The following ALDH1A1 variants were observed in gnomAD, a reference collection of about 807,000 sequenced individuals.
ALDH1A1 encodes the protein aldehyde dehydrogenase 1 family member A1, also known as aldehyde dehydrogenase 1A1.
ALDH1A1 carries 19 observed loss-of-function variants against 62.1 expected under a neutral mutation model. The observed-to-expected ratio is 0.31, with a 90% CI of 0.21 to 0.45. The LOEUF (loss-of-function observed/expected upper bound fraction) is 0.45. ALDH1A1 is among the 20% of genes least tolerant of loss of function. The pLI is 1.00. For synonymous variants in ALDH1A1, 231 were observed against 215.9 expected (o/e 1.07, Z -0.61); for missense variants, 521 against 607.1 (o/e 0.86, Z 1.49).
intron 12 of ALDH1A1, among the ~76,000 whole-genome samples, chr9:72,901,578 T>C (rs1270553498): frequency 6.6e-6 from 1 of 151,976 alleles, no homozygotes; most frequent in Non-Finnish European, 1.5e-5. Flanking sequence ...TTTTAAAAAC[T>C]CGAACTGCAG....
chr9:72,944,050 A>T, intron 1 of ALDH1A1, among the ~76,000 whole-genome samples: 1 of 152,110 alleles, frequency 6.6e-6, no homozygotes, highest in African/African-American at 2.4e-5. Context: ...CATAAGTCAC[A>T]GATAAGGCCT....
At chr9:72,940,631 C>T (rs761785196) in intron 1 of ALDH1A1, among the ~76,000 whole-genome samples, 5 of 152,068 alleles carry the variant, frequency 3.3e-5, no homozygotes, top group East Asian at 1.9e-4. Context: ...TCCTCATTTT[C>T]GGCTACTGGT....
chr9:72,940,082 A>G (rs1830398307), intron 2 of ALDH1A1, 66 bp downstream of exon 2: 2 of 1,197,368 alleles, frequency 1.7e-6, no homozygotes, highest in African/African-American at 1.5e-5. Context: ...AATGGGGTTC[A>G]GGAGCTCAGA....
intron 7 of ALDH1A1, among the ~76,000 whole-genome samples, chr9:72,920,967 G>A (rs960090507): frequency 6.6e-6 from 1 of 152,218 alleles, no homozygotes; most frequent in African/African-American, 2.4e-5. Context: ...GAATCTAATG[G>A]GATATTGCGG....
At chr9:72,951,797 C>CAAT (rs1327049946) in intron 1 of ALDH1A1, among the ~76,000 whole-genome samples, 3 of 151,856 alleles carry the variant, frequency 2.0e-5, no homozygotes, top group African/African-American at 7.3e-5. Flanking sequence ...CTCGTGATAA[C>CAAT]AATACCTTAA....
chr9:72,940,130 T>C lies in ALDH1A1; in HGVS notation c.171+18A>G, dbSNP rs772335660. ...CAAGAAACCTGGCATAAAATGAAAC[T>C]AGTGTTCAGAAACTCACCTTATCTC... On this transcript the variant is annotated intron_variant, in intron 2 of 12. Transcript: ENST00000297785. 4 of 1,572,680 alleles carry C rather than the reference T, an allele frequency of 2.5e-6. No individual in the cohort carries two copies. Among genetic ancestry groups the C allele is most frequent in the South Asian group, 1.1e-5 (1 of 90,200 alleles).
chr9:72,908,249 G>C (rs1171472994), intron 11 of ALDH1A1, among the ~76,000 whole-genome samples: 1 of 151,268 alleles, frequency 6.6e-6, no homozygotes, highest in African/African-American at 2.4e-5. Context: ...GTGAAACCCT[G>C]TCTCTACTAA....
chr9:72,906,148 C>A, intron 11 of ALDH1A1, 116 bp from the exon 12 acceptor site: 3 of 634,490 alleles, frequency 4.7e-6, no homozygotes, highest in Non-Finnish European at 8.2e-6. Flanking sequence ...TTCATTATAA[C>A]ATACTCATCT....
chr9:72,935,312 A>G (rs1163153167), intron 2 of ALDH1A1, among the ~76,000 whole-genome samples: 1 of 152,166 alleles, frequency 6.6e-6, no homozygotes, highest in Non-Finnish European at 1.5e-5. Flanking sequence ...GCCACCATCA[A>G]TAACAATTTT....
intron 3 of ALDH1A1, 142 bp downstream of exon 3, chr9:72,930,737 G>T: frequency 2.4e-6 from 2 of 832,844 alleles, no homozygotes; most frequent in South Asian, 1.9e-5. Context: ...AATGTTAAGG[G>T]GCCTATTCAT....
chr9:72,941,794 C>T (rs982285161), intron 1 of ALDH1A1, among the ~76,000 whole-genome samples: 2 of 152,100 alleles, frequency 1.3e-5, no homozygotes, highest in African/African-American at 4.8e-5. Context: ...TATAATTTTC[C>T]ATACAAGAAA....
At chr9:72,905,605 G>GCAAT (rs1829868794) in intron 12 of ALDH1A1, among the ~76,000 whole-genome samples, 1 of 151,892 alleles carries the variant, frequency 6.6e-6, no homozygotes, top group African/African-American at 2.4e-5. Flanking sequence ...CACCTTTCTT[G>GCAAT]CAATCACCAA....
chr9:72,909,286 A>G (rs1243937701), intron 11 of ALDH1A1, among the ~76,000 whole-genome samples: 1 of 148,160 alleles, frequency 6.7e-6, no homozygotes, highest in South Asian at 2.1e-4. Context: ...CTCATCCTCC[A>G]TGTAGCTGGG....
At chr9:72,934,233 C>T (rs1341458462) in intron 2 of ALDH1A1, among the ~76,000 whole-genome samples, 1 of 152,116 alleles carries the variant, frequency 6.6e-6, no homozygotes, top group Non-Finnish European at 1.5e-5. Context: ...ATTGCTGCAC[C>T]TAGCAAGTTC....
At chr9:72,909,523 C>G (rs1433441849) in intron 11 of ALDH1A1, 79 bp downstream of exon 11, 1 of 1,339,280 alleles carries the variant, frequency 7.5e-7, no homozygotes, top group African/African-American at 1.5e-5. Context: ...ATGAAAAATC[C>G]AAGTCTGAAA....
intron 1 of ALDH1A1, among the ~76,000 whole-genome samples, chr9:72,941,778 T>C (rs1231981342): frequency 1.3e-5 from 2 of 152,202 alleles, no homozygotes; most frequent in African/African-American, 4.8e-5. Flanking sequence ...TGCCCATTCA[T>C]GCCAATATAA....
intron 7 of ALDH1A1, among the ~76,000 whole-genome samples, chr9:72,923,261 G>T (rs546303705): frequency 6.6e-6 from 1 of 152,250 alleles, no homozygotes; most frequent in Admixed American, 6.5e-5. Flanking sequence ...AAGATGGAGT[G>T]AAGCTCACTC....
At chr9:72,948,938 T>G (rs1372634075) in intron 1 of ALDH1A1, among the ~76,000 whole-genome samples, 1 of 151,868 alleles carries the variant, frequency 6.6e-6, no homozygotes, top group African/African-American at 2.4e-5. Flanking sequence ...TGTAAGAATT[T>G]AAAGAGATAA....
intron 7 of ALDH1A1, among the ~76,000 whole-genome samples, chr9:72,919,422 TA>T: frequency 6.6e-6 from 1 of 152,180 alleles, no homozygotes; most frequent in Non-Finnish European, 1.5e-5. Context: ...CTATTTTTCT[TA>T]GGGGTCCAGC....
Sources: gnomAD v4.1 joint callset for allele counts (sites outside exome capture counted in the v4.1 genomes callset) on GRCh38, gnomAD v4.1.1 for gene constraint, MANE v1.5 for transcripts, NCBI Gene and HGNC (gene_info 2026-07-23, HGNC 2026-07-21) for gene names.